Variants in TTC4 observed in about 807,000 individuals in gnomAD.
TTC4 encodes hsp70/Hsp90 co-chaperone CNS1 homolog.
In TTC4, 36 loss-of-function variants were observed where a neutral mutation model predicts 51.9. The ratio of observed to expected loss-of-function variants is 0.69; its 90% CI spans 0.53 to 0.92. The LOEUF (loss-of-function observed/expected upper bound fraction) is 0.92, where lower values mean the gene tolerates loss of function less well. TTC4 is among the 40% of genes least tolerant of loss of function. The pLI is 0.00. For missense variants in TTC4, 399 were observed against 454.6 expected (o/e 0.88, Z 1.11); for synonymous variants, 144 against 164.2 (o/e 0.88, Z 0.94).
At chr1:54,725,691 TC>T in intron 5 of TTC4, among the ~76,000 whole-genome samples, 1 of 152,168 alleles carries the variant, frequency 6.6e-6, no homozygotes, top group Admixed American at 6.5e-5. Flanking sequence ...TTAAATATCT[TC>T]TCAGAATGAA....
intron 2 of TTC4, 104 bp from the exon 3 acceptor site, chr1:54,717,388 C>T (rs1645688705): frequency 2.2e-5 from 23 of 1,063,054 alleles, no homozygotes; most frequent in Non-Finnish European, 2.8e-5. Flanking sequence ...TTGGTTTCTT[C>T]GCTTTGGTGT....
At chr1:54,730,999 C>CA (rs1645859224) in intron 6 of TTC4, among the ~76,000 whole-genome samples, 4 of 152,092 alleles carry the variant, frequency 2.6e-5, no homozygotes, top group Admixed American at 2.0e-4. Flanking sequence ...CACTTCTTAC[C>CA]TTATATCATC....
chr1:54,741,553 T>C lies in TTC4; in HGVS notation c.*40T>C. Reference sequence around the variant, plus strand: ...CTGGATCTCCTCCCTTACCCTCCTCTGCTGGGAACCTAGCACACCTGAATC... The same window carrying C: ...CTGGATCTCCTCCCTTACCCTCCTCCGCTGGGAACCTAGCACACCTGAATC... On this transcript the variant is annotated 3_prime_UTR_variant, in exon 10 of 10. Transcript: ENST00000371281. 1 of 1,533,210 alleles carries C rather than the reference T, an allele frequency of 6.5e-7. No homozygotes were observed. The highest frequency in any genetic ancestry group is 9.0e-7 in the Non-Finnish European group (1 of 1,107,312). The allele number at this position is 1,533,210 out of a possible 1,614,324, so 95.0% of individuals were successfully genotyped here.
intron 9 of TTC4, among the ~76,000 whole-genome samples, chr1:54,740,980 C>A (rs1306827615): frequency 6.6e-6 from 1 of 152,148 alleles, no homozygotes; most frequent in African/African-American, 2.4e-5. Context: ...CTGCGCCTCA[C>A]AAATGCTTCT....
At chr1:54,737,703 G>A in intron 9 of TTC4, 39 bp downstream of exon 9, 1 of 1,579,272 alleles carries the variant, frequency 6.3e-7, no homozygotes, top group Non-Finnish European at 8.7e-7. Context: ...TGGGGAAGAT[G>A]CTCAGTGTAT....
intron 5 of TTC4, among the ~76,000 whole-genome samples, chr1:54,725,310 A>G (rs1167459621): frequency 2.0e-5 from 3 of 152,248 alleles, no homozygotes; most frequent in Non-Finnish European, 4.4e-5. Flanking sequence ...AGATTGTAGA[A>G]GCTGAAGCAG....
intron 5 of TTC4, among the ~76,000 whole-genome samples, chr1:54,726,000 T>G (rs1259171844): frequency 1.3e-5 from 2 of 152,078 alleles, no homozygotes; most frequent in Admixed American, 6.5e-5. Flanking sequence ...AACAAAGGCA[T>G]AGTGGGGGTC....
intron 9 of TTC4, among the ~76,000 whole-genome samples, chr1:54,739,051 A>T (rs1408945853): frequency 2.0e-3 from 268 of 130,918 alleles, no homozygotes; most frequent in Non-Finnish European, 3.0e-3. Flanking sequence ...TTTTTTTTTT[A>T]AATAGAGATG....
At chr1:54,718,478 C>T (rs1444963954) in intron 3 of TTC4, among the ~76,000 whole-genome samples, 1 of 151,908 alleles carries the variant, frequency 6.6e-6, no homozygotes, top group Non-Finnish European at 1.5e-5. Context: ...CGAAATTGGG[C>T]TCAAGTGATC....
chr1:54,730,760 A>G (rs1482536752), intron 6 of TTC4, among the ~76,000 whole-genome samples: 1 of 151,166 alleles, frequency 6.6e-6, no homozygotes, highest in Non-Finnish European at 1.5e-5. Flanking sequence ...CTAGTATTCC[A>G]TGTCCCAACT....
At chr1:54,725,802 G>T (rs1039456695) in intron 5 of TTC4, among the ~76,000 whole-genome samples, 2 of 152,194 alleles carry the variant, frequency 1.3e-5, no homozygotes, top group Non-Finnish European at 2.9e-5. Flanking sequence ...CTTAACAGAA[G>T]TTCTGTAGTT....
At chr1:54,738,720 C>T (rs555897199) in intron 9 of TTC4, among the ~76,000 whole-genome samples, 84 of 147,872 alleles carry the variant, frequency 5.7e-4, no homozygotes, top group African/African-American at 2.0e-3. Context: ...TGCAGTGGTG[C>T]GATCTTGGCT....
At chr1:54,733,745 T>C in intron 8 of TTC4, 35 bp downstream of exon 8, 4 of 1,210,328 alleles carry the variant, frequency 3.3e-6, no homozygotes, top group Non-Finnish European at 3.4e-6. Flanking sequence ...TCTATGGAAT[T>C]AATTTTTTTT....
chr1:54,734,263 G>A (rs2101353389), intron 8 of TTC4, among the ~76,000 whole-genome samples: 1 of 152,122 alleles, frequency 6.6e-6, no homozygotes, highest in African/African-American at 2.4e-5. Context: ...GTAGAGATGG[G>A]GTTTCACCAT....
intron 6 of TTC4, 138 bp from the exon 7 acceptor site, chr1:54,731,348 C>G: frequency 1.3e-6 from 1 of 749,794 alleles, no homozygotes; most frequent in Non-Finnish European, 2.0e-6. Flanking sequence ...GAAACTCCGT[C>G]TCTTCAAAAA....
Position 54,742,108 on chromosome 1 carries a change from G to A in TTC4, c.*595G>A, listed in dbSNP as rs1034937527. 2 of 152,256 alleles carry A rather than the reference G, an allele frequency of 1.3e-5. No individual in the cohort carries two copies. Among genetic ancestry groups the A allele is most frequent in the African/African-American group, 4.8e-5 (2 of 41,358 alleles). The allele number at this position is 152,256 out of a possible 1,614,324, so 9.4% of individuals were successfully genotyped here. ...GATCCTTGGTACCCCTAAAAAGATT[G>A]CCAATTTTCTTCATCTTTGCCATAT... On this transcript the variant is annotated 3_prime_UTR_variant, in exon 10 of 10. Transcript: ENST00000371281.
intron 8 of TTC4, among the ~76,000 whole-genome samples, chr1:54,736,505 G>A (rs988245342): frequency 6.6e-6 from 1 of 151,790 alleles, no homozygotes; most frequent in Non-Finnish European, 1.5e-5. Context: ...CAAGTAGCTG[G>A]GACCACAGGC....
At chr1:54,733,746 AATTT>A in intron 8 of TTC4, 36 bp downstream of exon 8, 2 of 1,078,844 alleles carry the variant, frequency 1.9e-6, no homozygotes, top group Non-Finnish European at 2.6e-6. Context: ...CTATGGAATT[AATTT>A]TTTTTTTTTT....
Position 54,732,334 on chromosome 1 carries a change from AAT to A in TTC4, c.896+636_896+637del, listed in dbSNP as rs754549660. ...AGACTCTGTCTCAAAAAAAAAAAAA[AAT>A]AAAAAAGAGATATATGTATGTCTTT... is the stretch of plus-strand genomic sequence containing the variant. On this transcript the variant is annotated intron_variant, in intron 7 of 9. Coordinates refer to ENST00000371281, the MANE Select transcript of TTC4 (RefSeq NM_004623.5). Among the ~76,000 whole-genome samples the A allele has an allele frequency of 6.3e-3, 906 of 143,186 alleles. 63 individuals are homozygous for A. Among genetic ancestry groups the A allele is most frequent in the African/African-American group, 0.013 (490 of 38,750 alleles). The allele number at this position is 143,186 out of a possible 152,430, so 93.9% of individuals were successfully genotyped here.
Sources: gnomAD v4.1 joint callset for allele counts (sites outside exome capture counted in the v4.1 genomes callset) on GRCh38, gnomAD v4.1.1 for gene constraint, MANE v1.5 for transcripts, NCBI Gene and HGNC (gene_info 2026-07-23, HGNC 2026-07-21) for gene names.